BPHL: variants seen among roughly 807,000 people sequenced by gnomAD.
BPHL encodes biphenyl hydrolase like.
In BPHL, 27 loss-of-function variants were observed where a neutral mutation model predicts 31.2. That is an observed-to-expected ratio of 0.87 (90% CI 0.64 to 1.19). BPHL has a LOEUF of 1.19. Ranked by LOEUF, BPHL falls within the 50% of genes most tolerant of loss-of-function variation. The pLI is 0.00. For synonymous variants in BPHL, 150 were observed against 146.8 expected (o/e 1.02, Z -0.16); for missense variants, 356 against 375.7 (o/e 0.95, Z 0.43).
chr6:3,119,647 C>T, intron 1 of BPHL: 7 of 1,209,958 alleles, frequency 5.8e-6, no homozygotes, highest in Non-Finnish European at 7.0e-6. Flanking sequence ...TCTCTACATA[C>T]ATCCCTACAC....
intron 6 of BPHL, among the ~76,000 whole-genome samples, chr6:3,141,978 T>G (rs940771017): frequency 6.7e-6 from 1 of 149,232 alleles, no homozygotes; most frequent in African/African-American, 2.6e-5. Flanking sequence ...GTCTCAGAAA[T>G]AAATAAATAA....
chr6:3,127,278 A>G lies in BPHL; in HGVS notation c.248A>G (p.Asn83Ser). Residue 83 changes from asparagine (N) to serine (S), a missense_variant, in exon 3 of 7, where the codon AAC (asparagine) becomes AGC (serine). Transcript: ENST00000380379. ...ACTGATTTTGGACCTCAGCTCAAGAACCTCAATAAGAAGCTCTTCACGGTG... is the reference window on the plus strand; with the variant it reads ...ACTGATTTTGGACCTCAGCTCAAGAGCCTCAATAAGAAGCTCTTCACGGTG... ...GETDFGPQLK[N>S]LNKKLFTVVA... 2 of 1,581,858 alleles carry G rather than the reference A, an allele frequency of 1.3e-6. No individual in the cohort carries two copies. Among genetic ancestry groups the G allele is most frequent in the Non-Finnish European group, 8.6e-7 (1 of 1,161,148 alleles).
intron 4 of BPHL, among the ~76,000 whole-genome samples, chr6:3,132,683 G>A (rs543099509): frequency 1.3e-5 from 2 of 151,930 alleles, no homozygotes; most frequent in East Asian, 1.9e-4. Context: ...AATACAAAAC[G>A]TAGTCAGGTG....
At chr6:3,134,648 C>T (rs1422129858) in intron 4 of BPHL, among the ~76,000 whole-genome samples, 1 of 150,112 alleles carries the variant, frequency 6.7e-6, no homozygotes, top group African/African-American at 2.5e-5. Context: ...CTCTGTCACC[C>T]AGGCTGCGCA....
At chr6:3,119,562 A>G (rs375689899) in intron 1 of BPHL, 13 of 1,608,710 alleles carry the variant, frequency 8.1e-6, no homozygotes, top group Middle Eastern at 1.6e-4. Context: ...TCTGTCTTGA[A>G]AATGGATACT....
At chr6:3,123,557 A>G in intron 1 of BPHL, 100 bp from the exon 2 acceptor site, 2 of 967,238 alleles carry the variant, frequency 2.1e-6, no homozygotes, top group Non-Finnish European at 1.6e-6. Context: ...CGCGTAGAAC[A>G]CTAACACTTA....
At chr6:3,132,663 T>G (rs1019661319) in intron 4 of BPHL, among the ~76,000 whole-genome samples, 1 of 152,048 alleles carries the variant, frequency 6.6e-6, no homozygotes, top group Admixed American at 6.5e-5. Flanking sequence ...AGACCCCGTG[T>G]CTACAAAAAA....
At chr6:3,128,999 G>T (rs1761790908) in intron 3 of BPHL, 46 bp from the exon 4 acceptor site, 1 of 1,613,206 alleles carries the variant, frequency 6.2e-7, no homozygotes, top group Admixed American at 1.7e-5. Context: ...TCTTTTAACA[G>T]AGAGGAGCAA....
At position 3,129,094 on chromosome 6, in the gene BPHL, T is replaced by C; in HGVS notation, c.428T>C (p.Ile143Thr). 1.2e-6 allele frequency: 2 copies of C among 1,613,976 alleles called. No individual in the cohort carries two copies. The highest frequency in any genetic ancestry group is 1.7e-6 in the Non-Finnish European group (2 of 1,179,946). Residue 143 changes from isoleucine (I) to threonine (T), a missense_variant, in exon 4 of 7, where the codon ATA (isoleucine) becomes ACA (threonine). Coordinates refer to ENST00000380379, the MANE Select transcript of BPHL (RefSeq NM_004332.4). ...VSLLGWSDGG[I>T]TALIAAAKYP... ...CTGCTGGGGTGGAGTGATGGGGGCA[T>C]AACCGCACTCATTGCTGCTGCAAAA...
intron 6 of BPHL, among the ~76,000 whole-genome samples, chr6:3,141,614 C>A (rs1250025608): frequency 6.6e-6 from 1 of 152,218 alleles, no homozygotes; most frequent in Admixed American, 6.5e-5. Context: ...GATCCGCCTG[C>A]CTTGGCCTCC....
intron 2 of BPHL, among the ~76,000 whole-genome samples, chr6:3,126,286 A>G (rs748644937): frequency 2.6e-5 from 4 of 152,138 alleles, no homozygotes; most frequent in Non-Finnish European, 4.4e-5. Context: ...TTAGAATTCT[A>G]CTTTGAATAA....
chr6:3,144,012 C>T (rs1422127797), intron 6 of BPHL, among the ~76,000 whole-genome samples: 3 of 152,250 alleles, frequency 2.0e-5, no homozygotes, highest in African/African-American at 7.2e-5. Flanking sequence ...CCTCTGCATG[C>T]GCCTCCAGTT....
At chr6:3,138,068 G>C (rs1159727037) in intron 5 of BPHL, 1 of 1,083,726 alleles carries the variant, frequency 9.2e-7, no homozygotes, top group African/African-American at 1.6e-5. Context: ...CACCAGGCTG[G>C]AATGCAATGG....
rs1442503403 is a variant in BPHL, at chr6:3,153,487, G to A, written c.*912G>A. 1.2e-5 allele frequency: 4 copies of A among 339,346 alleles called. No individual in the cohort carries two copies. The highest frequency in any genetic ancestry group is 4.2e-5 in the African/African-American group (2 of 47,224). The allele number at this position is 339,346 out of a possible 1,614,324, so 21.0% of individuals were successfully genotyped here. A position where few individuals can be genotyped will look rare whatever the true frequency, so the allele number is the denominator to read the frequency against. On this transcript the variant is annotated 3_prime_UTR_variant, in exon 7 of 7. Coordinates refer to ENST00000380379, the MANE Select transcript of BPHL (RefSeq NM_004332.4). Reference sequence around the variant, plus strand: ...ACAAAATATGTATTTTCATCACTCTGTACTAAAAGGACAGGAATGTTATTA... The same window carrying A: ...ACAAAATATGTATTTTCATCACTCTATACTAAAAGGACAGGAATGTTATTA...
rs973103507 is a variant in BPHL at position 3,149,840 on chromosome 6, G to A, written c.789-2648G>A. ...GATGGAGTTTCACCACATTGACCAG[G>A]CTGGTCTCGAACTCCTGACCTCAAG... is the stretch of plus-strand genomic sequence containing the variant. On this transcript the variant is annotated intron_variant, in intron 6 of 6. Transcript: ENST00000380379. The surrounding 1 kb of genome is among the most constrained non-coding windows in gnomAD (Gnocchi z 4.6). 6.6e-5 allele frequency among the ~76,000 whole-genome samples: 10 copies of A among 152,250 alleles called. No individual in the cohort carries two copies. Among genetic ancestry groups the A allele is most frequent in the South Asian group, 4.1e-4 (2 of 4,826 alleles).
intron 1 of BPHL, among the ~76,000 whole-genome samples, chr6:3,122,481 T>C (rs1328481482): frequency 1.3e-5 from 2 of 152,156 alleles, no homozygotes; most frequent in Non-Finnish European, 2.9e-5. Flanking sequence ...GGGCCGTCTG[T>C]GTGCCCCACT....
At chr6:3,138,016 A>G in intron 5 of BPHL, 1 of 1,278,102 alleles carries the variant, frequency 7.8e-7, no homozygotes, top group East Asian at 5.6e-5. Flanking sequence ...CAATGCACAA[A>G]TGTCTCCTAT....
chr6:3,128,911 CTCTA>C, intron 3 of BPHL, 130 bp from the exon 4 acceptor site: 1 of 1,332,494 alleles, frequency 7.5e-7, no homozygotes, highest in South Asian at 1.2e-5. Context: ...AAATGGTGGA[CTCTA>C]GGGTTTTTCT....
At chr6:3,129,392 C>T (rs901934076) in intron 4 of BPHL, among the ~76,000 whole-genome samples, 194 bp downstream of exon 4, 1 of 152,260 alleles carries the variant, frequency 6.6e-6, no homozygotes, top group Non-Finnish European at 1.5e-5. Context: ...TTTCTGTTTC[C>T]AGGAGTGAAA....
Sources: allele counts gnomAD v4.1 joint callset (sites outside exome capture counted in the v4.1 genomes callset), GRCh38; gene constraint gnomAD v4.1.1; non-coding constraint Gnocchi (gnomAD v3.1); transcripts MANE v1.5; gene names NCBI Gene and HGNC (gene_info 2026-07-23, HGNC 2026-07-21).